Variants in MUC3A observed in about 807,000 individuals in gnomAD.
MUC3A encodes the protein mucin-3A.
In MUC3A, 109 loss-of-function variants were observed where a neutral mutation model predicts 109.0. That is an observed-to-expected ratio of 1.00 (90% CI 0.86 to 1.17). MUC3A has a LOEUF of 1.17. Among genes scored for constraint, MUC3A ranks in the 50% most tolerant of loss-of-function variants. MUC3A has a pLI of 0.00. For missense variants in MUC3A, 3,537 were observed against 2,469.4 expected (o/e 1.43, Z -9.16); for synonymous variants, 1,398 against 981.4 (o/e 1.42, Z -7.93).
rs1179552531 is a variant in MUC3A, at chr7:100,960,256, C to G, written c.8477C>G (p.Thr2826Ser). 3 of 1,598,540 alleles carry G rather than the reference C, an allele frequency of 1.9e-6. No individual in the cohort carries two copies. Among genetic ancestry groups the G allele is most frequent in the Non-Finnish European group, 2.5e-6 (3 of 1,179,822 alleles). ...TCCATCAGTATCCAAACTACTCTTA[C>G]TACATATATGGACACTTCTTCCATG... ...PTSISIQTTL[T>S]TYMDTSSMMP... The change falls in exon 2 of 12, where the codon ACT becomes AGT. Residue 2826 changes from threonine to serine, a missense_variant. Thr to Ser is a moderately conservative substitution (Grantham distance 58). Coordinates refer to ENST00000379458, the MANE Select transcript of MUC3A (RefSeq NM_005960.2).
chr7:100,960,963 G>C (rs1481359514), intron 3 of MUC3A, 26 bp downstream of exon 3: 1 of 1,598,486 alleles, frequency 6.3e-7, no homozygotes, highest in Admixed American at 1.7e-5. Context: ...TATGCCTTCT[G>C]CACTTCCTCC....
In MUC3A at chr7:100,949,545, G is replaced by C; in HGVS notation, c.-80G>C. 6.5e-6 allele frequency: 8 copies of C among 1,228,772 alleles called. No homozygotes were observed. In the South Asian group the frequency reaches 8.3e-5, roughly 13 times the overall value. The allele number at this position is 1,228,772 out of a possible 1,614,324, so 76.1% of individuals were successfully genotyped here. A position where few individuals can be genotyped will look rare whatever the true frequency, so the allele number is the denominator to read the frequency against. On this transcript the variant is annotated 5_prime_UTR_variant, in exon 1 of 12. Coordinates refer to ENST00000379458, the MANE Select transcript of MUC3A (RefSeq NM_005960.2). ...AACCGATAACCAGCACTTTCATTACGTGCACGCCCCAGGGCCACGTCCCTG... is the reference window on the plus strand; with the variant it reads ...AACCGATAACCAGCACTTTCATTACCTGCACGCCCCAGGGCCACGTCCCTG...
intron 10 of MUC3A, 48 bp downstream of exon 10, chr7:100,966,791 A>C (rs1792587267): frequency 6.3e-7 from 1 of 1,598,440 alleles, no homozygotes; most frequent in Non-Finnish European, 8.5e-7. Flanking sequence ...CCTGGGCACC[A>C]CTGCGAGGAC....
At position 100,951,974 on chromosome 7, in the gene MUC3A, T is replaced by C; in HGVS notation, c.195T>C (p.Ser65=). 1 of 1,598,652 alleles carries C rather than the reference T, an allele frequency of 6.3e-7. No homozygotes were observed. Among genetic ancestry groups the C allele is most frequent in the East Asian group, 2.2e-5 (1 of 44,890 alleles). The change falls in exon 2 of 12, where the codon TCT becomes TCC. Residue 65 remains serine (S), a synonymous_variant. Transcript: ENST00000379458. ...GWPLGVPQLA[S]PAPGHRENAP... ...CACTTGGTGTCCCCCAGCTCGCCTC[T>C]CCTGCTCCTGGCCACAGGGAAAATG...
Position 100,958,001 on chromosome 7 carries a change from C to T in MUC3A, c.6222C>T (p.Leu2074=), listed in dbSNP as rs967446060. ...TITEITSHST[L]SYTTSITTTE... is the part of the protein sequence containing the mutation. ...CCGAGATCACCTCACACAGTACTCT[C>T]AGCTACACTACCTCAATCACCACCA... The change falls in exon 2 of 12, where the codon CTC becomes CTT. Residue 2074 remains leucine, a synonymous_variant. Transcript: ENST00000379458. The T allele has an allele frequency of 6.8e-4, 575 of 845,996 alleles. No individual in the cohort carries two copies. Among genetic ancestry groups the T allele is most frequent in the South Asian group, 1.0e-3 (78 of 75,278 alleles). 52.4% of individuals were successfully genotyped at this position (845,996 alleles called of 1,614,324 possible). A position where few individuals can be genotyped will look rare whatever the true frequency, so the allele number is the denominator to read the frequency against.
In MUC3A at chr7:100,953,313, C is replaced by T; in HGVS notation, c.1534C>T (p.Pro512Ser). The T allele has an allele frequency of 2.0e-6, 1 of 503,508 alleles. No homozygotes were observed. Among genetic ancestry groups the T allele is most frequent in the East Asian group, 3.1e-5 (1 of 32,092 alleles). The allele number at this position is 503,508 out of a possible 1,614,324, so 31.2% of individuals were successfully genotyped here. A position where few individuals can be genotyped will look rare whatever the true frequency, so the allele number is the denominator to read the frequency against. ...MTSATTPNVR[P>S]TFVSTLSTPT... ...CTCTGCCACTACTCCCAATGTGAGA[C>T]CAACTTTTGTAAGTACACTCAGCAC... The change falls in exon 2 of 12, where the codon CCA becomes TCA. Residue 512 changes from proline to serine, a missense_variant. Coordinates refer to ENST00000379458, the MANE Select transcript of MUC3A (RefSeq NM_005960.2).
At position 100,951,833 on chromosome 7, in the gene MUC3A, C is replaced by T. The variant is rs1446368746; in HGVS notation, c.62-8C>T. On this transcript the variant is annotated splice_region_variant and splice_polypyrimidine_tract_variant and intron_variant, in intron 1 of 11. Coordinates refer to ENST00000379458, the MANE Select transcript of MUC3A (RefSeq NM_005960.2). ...CCAGTGGATTCCTCTGCTCTGCCGC[C>T]AATGCAGGAACTTTATCCACGGCCA... The T allele has an allele frequency of 5.6e-6, 9 of 1,594,454 alleles. No individual in the cohort carries two copies. In the South Asian group the frequency reaches 8.8e-5, roughly 16 times the overall value.
At chr7:100,965,215 CGCTAA>C (rs1792488020) in intron 6 of MUC3A, 62 bp from the exon 7 acceptor site, 7 of 1,572,212 alleles carry the variant, frequency 4.5e-6, no homozygotes, top group African/African-American at 1.4e-5. Context: ...TGCCTCCTGG[CGCTAA>C]CCCCTTGACC....
chr7:100,965,689 C>T lies in MUC3A; in HGVS notation c.9449-15C>T, dbSNP rs1379456300. 1 of 1,593,928 alleles carries T rather than the reference C, an allele frequency of 6.3e-7. No individual in the cohort carries two copies. Among genetic ancestry groups the T allele is most frequent in the Non-Finnish European group, 8.5e-7 (1 of 1,177,076 alleles). ...GAGGTCCTTGTCTCTGTGCATCCCC[C>T]TCCCCAACCCCCAGCCATCTGCCGC... is the stretch of plus-strand genomic sequence containing the variant. On this transcript the variant is annotated splice_polypyrimidine_tract_variant and intron_variant, in intron 7 of 11. Transcript: ENST00000379458.
Position 100,965,724 on chromosome 7 carries a change from C to T in MUC3A, c.9469C>T (p.Pro3157Ser), listed in dbSNP as rs778604880. ...TPAAICRRAA[P>S]TGYEEFYFPL... ...CCCAGCCATCTGCCGCCGCGCCGCTCCCACGGGCTATGAAGAGTTCTACTT... is the reference window on the plus strand; with the variant it reads ...CCCAGCCATCTGCCGCCGCGCCGCTTCCACGGGCTATGAAGAGTTCTACTT... The change falls in exon 8 of 12, where the codon CCC (proline) becomes TCC (serine). Residue 3157 changes from proline (P) to serine (S), a missense_variant. Coordinates refer to ENST00000379458, the MANE Select transcript of MUC3A (RefSeq NM_005960.2). 1.9e-6 allele frequency: 3 copies of T among 1,597,858 alleles called. No individual in the cohort carries two copies. The highest frequency in any genetic ancestry group is 2.2e-5 in the South Asian group (2 of 90,980).
chr7:100,967,427 G>A lies in MUC3A; in HGVS notation c.*265G>A, dbSNP rs374551568. 1.1e-3 allele frequency: 694 copies of A among 605,126 alleles called. No individual in the cohort carries two copies. Among genetic ancestry groups the A allele is most frequent in the African/African-American group, 0.011 (609 of 53,838 alleles). 37.5% of individuals were successfully genotyped at this position (605,126 alleles called of 1,614,324 possible). ...GCCTCAGTTTCCTCACCTGCAAAAC[G>A]GGTACAGCATTCCTGTATGATAGCT... On this transcript the variant is annotated 3_prime_UTR_variant, in exon 12 of 12. Coordinates refer to ENST00000379458, the MANE Select transcript of MUC3A (RefSeq NM_005960.2).
Position 100,955,556 on chromosome 7 carries a change from T to C in MUC3A, c.3777T>C (p.Thr1259=). The change falls in exon 2 of 12, where the codon ACT becomes ACC. Residue 1259 remains threonine (T), a synonymous_variant. Coordinates refer to ENST00000379458, the MANE Select transcript of MUC3A (RefSeq NM_005960.2). The part of the protein sequence containing the change: ...SSLVSMTSAT[T]PSLRPTITST... Reference sequence around the variant, plus strand: ...TTGTCAGCATGACCTCTGCCACCACTCCCAGTTTGAGACCAACTATCACAA... The same window carrying C: ...TTGTCAGCATGACCTCTGCCACCACCCCCAGTTTGAGACCAACTATCACAA... 2.0e-6 allele frequency: 1 copy of C among 501,712 alleles called. No homozygotes were observed. Among genetic ancestry groups the C allele is most frequent in the Non-Finnish European group, 3.5e-6 (1 of 287,528 alleles). The allele number at this position is 501,712 out of a possible 1,614,324, so 31.1% of individuals were successfully genotyped here.
Position 100,964,701 on chromosome 7 carries a change from C to T in MUC3A, c.9240C>T (p.Gly3080=), listed in dbSNP as rs768867452. Residue 3080 remains glycine, a synonymous_variant, in exon 6 of 12, where the codon GGC becomes GGT. Coordinates refer to ENST00000379458, the MANE Select transcript of MUC3A (RefSeq NM_005960.2). ...KGVEILSLRN[G]SIVVDYLVLL... The stretch of plus-strand genomic sequence containing the variant: ...AAGGCTGTGGACCCCTCAGGAATGG[C>T]AGCATCGTGGTGGACTACCTGGTCC... 1.9e-6 allele frequency: 3 copies of T among 1,597,978 alleles called. No homozygotes were observed. Among genetic ancestry groups the T allele is most frequent in the Non-Finnish European group, 2.5e-6 (3 of 1,179,524 alleles).
chr7:100,964,851 C>G lies in MUC3A; in HGVS notation c.9382+8C>G, dbSNP rs748115952. The stretch of plus-strand genomic sequence containing the variant: ...GCTGCCAGGACTCCCAGAGTGAGCC[C>G]AGGCTGGAGGGAGGGGCCAGGGCCT... On this transcript the variant is annotated splice_region_variant and intron_variant, in intron 6 of 11. Transcript: ENST00000379458. 4 of 1,595,724 alleles carry G rather than the reference C, an allele frequency of 2.5e-6. No individual in the cohort carries two copies. The highest frequency in any genetic ancestry group is 1.1e-5 in the South Asian group (1 of 90,864).
rs369092854 is a variant in MUC3A, at chr7:100,952,600, C to T, written c.821C>T (p.Thr274Met). ...TSTNTVTSMTTTASQPTATNT... is the reference protein window; with the variant it reads ...TSTNTVTSMTMTASQPTATNT... Reference sequence around the variant, plus strand: ...ACAAATACAGTGACTTCTATGACAACGACCGCCTCCCAGCCCACAGCCACT... The same window carrying T: ...ACAAATACAGTGACTTCTATGACAATGACCGCCTCCCAGCCCACAGCCACT... Residue 274 changes from threonine (T) to methionine (M), a missense_variant, in exon 2 of 12, where the codon ACG becomes ATG. Physicochemically the swap from Thr to Met is moderately conservative, Grantham distance 81. Coordinates refer to ENST00000379458, the MANE Select transcript of MUC3A (RefSeq NM_005960.2). The T allele has an allele frequency of 3.3e-5, 53 of 1,598,366 alleles. No individual in the cohort carries two copies. Among genetic ancestry groups the T allele is most frequent in the South Asian group, 1.2e-4 (11 of 91,076 alleles).
Position 100,964,725 on chromosome 7 carries a change from C to G in MUC3A, c.9264C>G (p.Val3088=). Reference sequence around the variant, plus strand: ...GCAGCATCGTGGTGGACTACCTGGTCCTGCTGGAGATGCCCTTCAGCCCCC... The same window carrying G: ...GCAGCATCGTGGTGGACTACCTGGTGCTGCTGGAGATGCCCTTCAGCCCCC... ...RNGSIVVDYL[V]LLEMPFSPQL... The change falls in exon 6 of 12, where the codon GTC becomes GTG. Residue 3088 remains valine (V), a synonymous_variant. Coordinates refer to ENST00000379458, the MANE Select transcript of MUC3A (RefSeq NM_005960.2). 6.3e-7 allele frequency: 1 copy of G among 1,598,454 alleles called. No homozygotes were observed. The highest frequency in any genetic ancestry group is 1.1e-5 in the South Asian group (1 of 91,084).
Position 100,958,312 on chromosome 7 carries a change from C to T in MUC3A, c.6533C>T (p.Thr2178Ile). 1 of 63,850 alleles carries T rather than the reference C, an allele frequency of 1.6e-5. No homozygotes were observed. The allele number at this position is 63,850 out of a possible 1,614,324, so 4.0% of individuals were successfully genotyped here. ...ACCACCTCACACAGGTGGGGGACCA[C>T]CGAGACCACATCCTACAGTACTCCC... ...TETTSHRWGT[T>I]ETTSYSTPSF... Residue 2178 changes from threonine to isoleucine, a missense_variant, in exon 2 of 12, where the codon ACC becomes ATC. By Grantham distance (89) the Thr-to-Ile change is moderately conservative (BLOSUM62 -1). Transcript: ENST00000379458.
At position 100,965,859 on chromosome 7, in the gene MUC3A, A is replaced by T. The variant is rs73163797; in HGVS notation, c.9604A>T (p.Thr3202Ser). The change falls in exon 8 of 12, where the codon ACG (threonine) becomes TCG (serine). Residue 3202 changes from threonine (T) to serine (S), a missense_variant. By Grantham distance (58) the Thr-to-Ser change is moderately conservative. Coordinates refer to ENST00000379458, the MANE Select transcript of MUC3A (RefSeq NM_005960.2). Reference protein sequence around the residue: ...GQCVLETSGPTCRCYSTDTHW... With the variant: ...GQCVLETSGPSCRCYSTDTHW... ...GTGCGTTCTGGAGACGAGCGGTCCC[A>T]CGTGTCGGTAAGGCCCCGCTCACCA... 22 of 1,594,148 alleles carry T rather than the reference A, an allele frequency of 1.4e-5. No homozygotes were observed. Among genetic ancestry groups the T allele is most frequent in the Admixed American group, 3.3e-5 (2 of 59,728 alleles).
intron 6 of MUC3A, 179 bp from the exon 7 acceptor site, chr7:100,965,103 G>A: frequency 1.8e-6 from 2 of 1,082,792 alleles, no homozygotes; most frequent in Non-Finnish European, 2.6e-6. Flanking sequence ...TTATTCAGGG[G>A]AGATGAGGCA....
Sources: gnomAD v4.1 joint callset for allele counts on GRCh38, gnomAD v4.1.1 for gene constraint, MANE v1.5 for transcripts, NCBI Gene and HGNC (gene_info 2026-07-23, HGNC 2026-07-21) for gene names.